The following C10orf67 variants were observed in gnomAD, a reference collection of about 807,000 sequenced individuals.
C10orf67 encodes uncharacterized protein C10orf67, mitochondrial.
C10orf67 carries 60 observed loss-of-function variants against 35.6 expected under a neutral mutation model. That is an observed-to-expected ratio of 1.68 (90% CI 1.37 to 2.09). The LOEUF is 2.09. Ranked by LOEUF, C10orf67 falls within the 30% of genes most tolerant of loss-of-function variation. The pLI is 0.00. For synonymous variants in C10orf67, 167 were observed against 115.8 expected (o/e 1.44, Z -2.84); for missense variants, 474 against 330.2 (o/e 1.44, Z -3.38).
chr10:23,253,415 G>A (rs11013353), intron 10 of C10orf67, among the ~76,000 whole-genome samples: 1 of 152,018 alleles, frequency 6.6e-6, no homozygotes, highest in African/African-American at 2.4e-5. Context: ...GGGTACAAGG[G>A]GTAGAGAGTG....
intron 13 of C10orf67, among the ~76,000 whole-genome samples, chr10:23,233,769 T>C (rs1291833294): frequency 6.6e-6 from 1 of 152,196 alleles, no homozygotes; most frequent in South Asian, 2.1e-4. Flanking sequence ...TGCAGAATGT[T>C]TTAAGACTCA....
intron 7 of C10orf67, among the ~76,000 whole-genome samples, chr10:23,289,595 A>G (rs954042861): frequency 2.0e-5 from 3 of 152,230 alleles, no homozygotes; most frequent in Admixed American, 6.5e-5. Flanking sequence ...TTTTTAATAT[A>G]ACTTTTTCCT....
chr10:23,310,477 T>C (rs1048310025), intron 4 of C10orf67, among the ~76,000 whole-genome samples: 4 of 152,238 alleles, frequency 2.6e-5, no homozygotes, highest in Non-Finnish European at 5.9e-5. Flanking sequence ...GACAGTAACC[T>C]GCTGCCTTTG....
At chr10:23,315,006 C>T (rs1844646832) in intron 4 of C10orf67, among the ~76,000 whole-genome samples, 1 of 152,154 alleles carries the variant, frequency 6.6e-6, no homozygotes, top group East Asian at 1.9e-4. Flanking sequence ...TGTCAATCTA[C>T]AAAAAGTGTA....
At position 23,234,418 on chromosome 10, in the gene C10orf67, C is replaced by T. The variant is rs143209575; in HGVS notation, c.1434+5311G>A. Among the ~76,000 whole-genome samples the T allele has an allele frequency of 3.0e-3, 450 of 152,148 alleles. 2 individuals carry two copies. The highest frequency in any genetic ancestry group is 0.01 in the African/African-American group (421 of 41,510). Reference sequence around the variant, plus strand: ...GGCCATTATCCTTAGCAAAATAATGCGGGAACAGAAAACCAAATACTGCAT... The same window carrying T: ...GGCCATTATCCTTAGCAAAATAATGTGGGAACAGAAAACCAAATACTGCAT... On this transcript the variant is annotated intron_variant, in intron 13 of 15. Transcript: ENST00000636213.
intron 13 of C10orf67, among the ~76,000 whole-genome samples, chr10:23,235,163 G>A (rs1479920649): frequency 2.6e-5 from 4 of 152,138 alleles, no homozygotes; most frequent in Admixed American, 6.5e-5. Flanking sequence ...AAAGAATAGC[G>A]TAGTTGGAAA....
At chr10:23,264,983 T>C (rs1329170027) in intron 10 of C10orf67, among the ~76,000 whole-genome samples, 1 of 152,242 alleles carries the variant, frequency 6.6e-6, no homozygotes, top group Admixed American at 6.5e-5. Flanking sequence ...TCCAAAAAAA[T>C]ACTTCCCAAA....
At chr10:23,328,993 C>CAAAAAAAAAAAAAAAAAAAAAAAGAAAA (rs57772405) in intron 2 of C10orf67, among the ~76,000 whole-genome samples, 4 of 78,732 alleles carry the variant, frequency 5.1e-5, no homozygotes, top group Non-Finnish European at 7.4e-5. Flanking sequence ...CATAAACGAA[C>CAAAAAAAAAAAAAAAAAAAAAAAGAAAA]AAAAAAAAAA....
Position 23,282,030 on chromosome 10 carries a change from AT to A in C10orf67, c.957del (p.Lys319AsnfsTer3). 1.6e-6 allele frequency: 1 copy of A among 624,680 alleles called. No individual in the cohort carries two copies. Among genetic ancestry groups the A allele is most frequent in the Admixed American group, 2.9e-5 (1 of 34,742 alleles). The allele number at this position is 624,680 out of a possible 1,614,324, so 38.7% of individuals were successfully genotyped here. A position where few individuals can be genotyped will look rare whatever the true frequency, so the allele number is the denominator to read the frequency against. ...DRLREELHYE[K>X]SLVQDVINKQ... ...CATCTTACCACATCCTGAACTAATG[AT>A]TTTTCATAATGAAGCTCTTCTCTTA... On this transcript the variant is annotated frameshift_variant, in exon 8 of 16. Coordinates refer to ENST00000636213, the MANE Select transcript of C10orf67 (RefSeq NM_001371909.1). LOFTEE classifies it high-confidence loss of function.
rs150172160 is a variant in C10orf67 at position 23,272,471 on chromosome 10, C to T, written c.976-5217G>A. On this transcript the variant is annotated intron_variant, in intron 8 of 15. Transcript: ENST00000636213. ...ATCCTTACTACTTGAATTGCGTTTGCATCTTGGTCAGAAATCAATTCATTA... is the reference window on the plus strand; with the variant it reads ...ATCCTTACTACTTGAATTGCGTTTGTATCTTGGTCAGAAATCAATTCATTA... 4.0e-4 allele frequency among the ~76,000 whole-genome samples: 61 copies of T among 152,314 alleles called. No individual in the cohort carries two copies. The East Asian group carries it at 9.4e-3, about 24-fold the overall frequency.
intron 5 of C10orf67, among the ~76,000 whole-genome samples, chr10:23,298,462 T>C (rs1843963695): frequency 6.6e-6 from 1 of 152,162 alleles, no homozygotes; most frequent in African/African-American, 2.4e-5. Flanking sequence ...GTTAGGGCTT[T>C]CTTTAGGGCC....
intron 8 of C10orf67, among the ~76,000 whole-genome samples, chr10:23,281,163 A>C (rs1843353422): frequency 6.6e-6 from 1 of 152,170 alleles, no homozygotes; most frequent in Non-Finnish European, 1.5e-5. Context: ...AGAAGGCTTT[A>C]TTGTAATCCA....
chr10:23,321,177 T>G (rs555092884), intron 3 of C10orf67, among the ~76,000 whole-genome samples: 1 of 152,228 alleles, frequency 6.6e-6, no homozygotes, highest in Non-Finnish European at 1.5e-5. Context: ...GAATGGAATA[T>G]GCTCATGAAA....
intron 13 of C10orf67, among the ~76,000 whole-genome samples, chr10:23,228,071 C>G (rs769117584): frequency 7.2e-5 from 11 of 151,910 alleles, no homozygotes; most frequent in Non-Finnish European, 1.5e-4. Context: ...CTTTTTTTCA[C>G]AAAACTGGAA....
intron 4 of C10orf67, among the ~76,000 whole-genome samples, chr10:23,309,997 C>A (rs185812150): frequency 5.9e-5 from 9 of 152,280 alleles, no homozygotes; most frequent in Middle Eastern, 3.4e-3. Flanking sequence ...ACAATGAATT[C>A]ATTTTTCTTC....
At chr10:23,309,349 G>T (rs1024098960) in intron 4 of C10orf67, among the ~76,000 whole-genome samples, 1 of 152,098 alleles carries the variant, frequency 6.6e-6, no homozygotes, top group Non-Finnish European at 1.5e-5. Context: ...GGGTACACAT[G>T]AACATAAGGA....
chr10:23,282,475 A>G (rs1843396894), intron 7 of C10orf67, among the ~76,000 whole-genome samples: 5 of 152,214 alleles, frequency 3.3e-5, no homozygotes. Flanking sequence ...TCAGAAGCAT[A>G]CACTGGGCTG....
intron 2 of C10orf67, among the ~76,000 whole-genome samples, chr10:23,328,044 A>C (rs554051827): frequency 8.0e-4 from 122 of 152,320 alleles, no homozygotes; most frequent in Admixed American, 4.8e-3. Flanking sequence ...GTTGAAATGA[A>C]CAAATGAAAA....
chr10:23,272,686 T>C (rs1392375935), intron 8 of C10orf67, among the ~76,000 whole-genome samples: 3 of 152,226 alleles, frequency 2.0e-5, no homozygotes, highest in African/African-American at 7.2e-5. Context: ...CATGTCTATA[T>C]AAATTTTAGG....
Sources: gnomAD v4.1 joint callset for allele counts (sites outside exome capture counted in the v4.1 genomes callset) on GRCh38, gnomAD v4.1.1 for gene constraint, MANE v1.5 for transcripts, NCBI Gene and HGNC (gene_info 2026-07-23, HGNC 2026-07-21) for gene names.